Variants in ACBD5 observed in about 807,000 individuals in gnomAD.
ACBD5 encodes acyl-CoA binding domain containing 5.
ACBD5 carries 40 observed loss-of-function variants against 71.8 expected under a neutral mutation model. The ratio of observed to expected loss-of-function variants is 0.56; its 90% CI spans 0.43 to 0.72. ACBD5 has a LOEUF of 0.72. ACBD5 is among the 30% of genes least tolerant of loss of function. The pLI is 0.00. For synonymous variants in ACBD5, 229 were observed against 218.6 expected, an observed-to-expected ratio of 1.05 and a Z score of -0.42; for missense variants, 559 against 644.5, an observed-to-expected ratio of 0.87 and a Z score of 1.44.
intron 9 of ACBD5, among the ~76,000 whole-genome samples, chr10:27,209,249 T>C (rs892256420): frequency 1.3e-5 from 2 of 152,166 alleles, no homozygotes; most frequent in Non-Finnish European, 2.9e-5. Context: ...TCTTTAGGTA[T>C]TAAAAGTTAC....
chr10:27,191,898 T>G (rs892492097), downstream of ACBD5, among the ~76,000 whole-genome samples: 1 of 151,364 alleles, frequency 6.6e-6, no homozygotes, highest in Non-Finnish European at 1.5e-5. Context: ...CAAAAAAAAA[T>G]AATAACAATA....
At chr10:27,208,107 C>A in intron 10 of ACBD5, 139 bp downstream of exon 10, 1 of 872,148 alleles carries the variant, frequency 1.1e-6, no homozygotes, top group Non-Finnish European at 1.8e-6. Context: ...TTTTCTTAAA[C>A]AATATTTTCA....
At chr10:27,229,818 T>G (rs1436510868) in intron 4 of ACBD5, among the ~76,000 whole-genome samples, 1 of 152,224 alleles carries the variant, frequency 6.6e-6, no homozygotes, top group Non-Finnish European at 1.5e-5. Flanking sequence ...ACTGTAAACT[T>G]TGTCATATTC....
At chr10:27,201,706 G>T (rs1285005374) in intron 12 of ACBD5, among the ~76,000 whole-genome samples, 1 of 152,180 alleles carries the variant, frequency 6.6e-6, no homozygotes, top group African/African-American at 2.4e-5. Context: ...AGGAGGCTGA[G>T]GCAGGAAAAT....
At chr10:27,215,025 G>A (rs2061472141) in intron 8 of ACBD5, among the ~76,000 whole-genome samples, 1 of 152,120 alleles carries the variant, frequency 6.6e-6, no homozygotes, top group Non-Finnish European at 1.5e-5. Flanking sequence ...TTAGCCAGGT[G>A]TGGTGGCACA....
chr10:27,226,489 A>ACACAC, intron 4 of ACBD5, among the ~76,000 whole-genome samples: 1 of 125,056 alleles, frequency 8.0e-6, no homozygotes, highest in South Asian at 2.6e-4. Context: ...CACACACACA[A>ACACAC]GCAGACACAG....
intron 2 of ACBD5, 151 bp from the exon 3 acceptor site, chr10:27,235,363 G>T (rs2064521484): frequency 1.0e-6 from 1 of 998,600 alleles, no homozygotes; most frequent in Non-Finnish European, 1.5e-6. Context: ...AAAAGTTATG[G>T]TTCTGTTAGT....
At chr10:27,209,145 G>A (rs1209698718) in intron 9 of ACBD5, among the ~76,000 whole-genome samples, 2 of 151,366 alleles carry the variant, frequency 1.3e-5, no homozygotes, top group African/African-American at 2.4e-5. Context: ...GACTGGTCTC[G>A]AATGCTTGGG....
chr10:27,229,764 A>C (rs960414219), intron 4 of ACBD5, among the ~76,000 whole-genome samples: 1 of 152,204 alleles, frequency 6.6e-6, no homozygotes, highest in Non-Finnish European at 1.5e-5. Context: ...CAAATTTTCA[A>C]TTTATGGATA....
chr10:27,212,940 A>C (rs550802389), intron 8 of ACBD5, among the ~76,000 whole-genome samples: 1 of 152,214 alleles, frequency 6.6e-6, no homozygotes, highest in Non-Finnish European at 1.5e-5. Flanking sequence ...TAATTGCATT[A>C]TGAAATGAGA....
rs867463260 is a variant in ACBD5, at chr10:27,189,655, T to C, written c.1494-6940A>G. Among the ~76,000 whole-genome samples the C allele has an allele frequency of 5.4e-5, 8 of 149,242 alleles. 1 individual carries two copies. The highest frequency in any genetic ancestry group is 4.2e-4 in the South Asian group (2 of 4,706). The stretch of plus-strand genomic sequence containing the variant: ...GGGGGAGGGATAGCATTAGGAGATA[T>C]ACCTAATGTAAATGACGAGTTAATG... On this transcript the variant is annotated intron_variant, in intron 13 of 13. Coordinates refer to the ACBD5 transcript ENST00000676511.
rs1233078778 is a variant in ACBD5 at position 27,208,518 on chromosome 10, CCT to C, written c.1205-75_1205-74del. 3.9e-6 allele frequency: 6 copies of C among 1,536,322 alleles called. No homozygotes were observed. The African/African-American group carries it at 5.5e-5, about 14-fold the overall frequency. ...AGTAAAACTGTGTTTTATTCATTTT[CCT>C]CTGTTATTTCTTTGAGATCTAAATC... On this transcript the variant is annotated intron_variant, in intron 9 of 12. Coordinates refer to ENST00000396271, the MANE Select transcript of ACBD5 (RefSeq NM_145698.5).
At chr10:27,202,931 A>G (rs961991126) in intron 12 of ACBD5, among the ~76,000 whole-genome samples, 2 of 151,566 alleles carry the variant, frequency 1.3e-5, no homozygotes, top group African/African-American at 4.8e-5. Context: ...AATGTATAGA[A>G]GAAGAAAAGA....
chr10:27,189,930 T>C (rs2059010181), intron 13 of ACBD5, among the ~76,000 whole-genome samples: 1 of 152,098 alleles, frequency 6.6e-6, no homozygotes, highest in Non-Finnish European at 1.5e-5. Flanking sequence ...TGTGACTTGT[T>C]TTCCTTTGGA....
At chr10:27,194,956 A>G (rs1249194973), downstream of ACBD5, among the ~76,000 whole-genome samples, 1 of 152,214 alleles carries the variant, frequency 6.6e-6, no homozygotes, top group Non-Finnish European at 1.5e-5. Context: ...AGATCACGCC[A>G]CTGCACTCTA....
At position 27,197,148 on chromosome 10, in the gene ACBD5, A is replaced by G. The variant is rs2059445800; in HGVS notation, c.*282T>C. The stretch of plus-strand genomic sequence containing the variant: ...TAAACATGTTACCAAATGATCATTA[A>G]TAATTTAATGTCCTTCAAGTTCAAG... On this transcript the variant is annotated 3_prime_UTR_variant, in exon 13 of 13. Transcript: ENST00000396271. 1 of 532,874 alleles carries G rather than the reference A, an allele frequency of 1.9e-6. No homozygotes were observed. The highest frequency in any genetic ancestry group is 1.9e-5 in the South Asian group (1 of 52,180). The allele number at this position is 532,874 out of a possible 1,614,324, so 33.0% of individuals were successfully genotyped here. A position where few individuals can be genotyped will look rare whatever the true frequency, so the allele number is the denominator to read the frequency against.
intron 6 of ACBD5, 42 bp downstream of exon 6, chr10:27,219,681 T>C: frequency 3.7e-6 from 6 of 1,611,102 alleles, no homozygotes; most frequent in Non-Finnish European, 5.1e-6. Flanking sequence ...ACCCTCTTAG[T>C]TTATTTATTG....
In ACBD5 at chr10:27,199,219, C is replaced by T. The variant is rs557371069; in HGVS notation, c.1566-1777G>A. 4.5e-4 allele frequency among the ~76,000 whole-genome samples: 68 copies of T among 151,040 alleles called. 2 individuals are homozygous for T. In the South Asian group the frequency reaches 9.9e-3, roughly 22 times the overall value. ...TTCTTTTTTTTTTGAGATGGAGTCTCGCTCTGTCGCCCAGGCTGGAGTGCA... is the reference window on the plus strand; with the variant it reads ...TTCTTTTTTTTTTGAGATGGAGTCTTGCTCTGTCGCCCAGGCTGGAGTGCA... On this transcript the variant is annotated intron_variant, in intron 12 of 12. Coordinates refer to ENST00000396271, the MANE Select transcript of ACBD5 (RefSeq NM_145698.5).
Position 27,196,029 on chromosome 10 carries a change from C to T in ACBD5, c.*1401G>A, listed in dbSNP as rs892136354. On this transcript the variant is annotated 3_prime_UTR_variant, in exon 13 of 13. Transcript: ENST00000396271. ...ATCAGCCTTACCAACATGGAGAAAC[C>T]CCGTCTCTACTAAAAATACAAAATT... 2.4e-6 allele frequency: 1 copy of T among 409,748 alleles called. No individual in the cohort carries two copies. Among genetic ancestry groups the T allele is most frequent in the Non-Finnish European group, 4.8e-6 (1 of 209,946 alleles). The allele number at this position is 409,748 out of a possible 1,614,324, so 25.4% of individuals were successfully genotyped here.
Sources: allele counts gnomAD v4.1 joint callset (sites outside exome capture counted in the v4.1 genomes callset), GRCh38; gene constraint gnomAD v4.1.1; transcripts MANE v1.5; gene names NCBI Gene and HGNC (gene_info 2026-07-23, HGNC 2026-07-21).